Variants in TMEM65 observed in about 807,000 individuals in gnomAD.
The protein encoded by TMEM65 is transmembrane protein 65.
Under a neutral mutation model 25.4 loss-of-function variants are expected in TMEM65, and 22 were observed. The ratio of observed to expected loss-of-function variants is 0.86; its 90% confidence interval spans 0.62 to 1.23. The LOEUF (loss-of-function observed/expected upper bound fraction) is 1.23, where lower values mean the gene tolerates loss of function less well. TMEM65 is among the 50% of genes most tolerant of loss of function. TMEM65 has a pLI of 0.00. For synonymous variants in TMEM65, 132 were observed against 126.2 expected (o/e 1.05, Z -0.31); for missense variants, 262 against 308.2 (o/e 0.85, Z 1.12).
intron 1 of TMEM65, among the ~76,000 whole-genome samples, chr8:124,342,959 G>A (rs942709064): frequency 6.6e-5 from 10 of 152,202 alleles, no homozygotes; most frequent in African/African-American, 1.7e-4. Flanking sequence ...ACATAAGGCC[G>A]ATGCTGTAAG....
intron 1 of TMEM65, among the ~76,000 whole-genome samples, chr8:124,331,747 C>T (rs1053289562): frequency 6.6e-6 from 1 of 151,882 alleles, no homozygotes; most frequent in African/African-American, 2.4e-5. Flanking sequence ...GAGTGGATCA[C>T]TCTAAAGATT....
intron 1 of TMEM65, among the ~76,000 whole-genome samples, chr8:124,342,070 A>G (rs1814589431): frequency 6.6e-6 from 1 of 152,114 alleles, no homozygotes; most frequent in Non-Finnish European, 1.5e-5. Flanking sequence ...CTGGTATAAT[A>G]CAATCAGTCA....
chr8:124,311,019 T>C lies in TMEM65; in HGVS notation c.*2941A>G, dbSNP rs146994842. Reference sequence around the variant, plus strand: ...GAAAGATTTACTTCAAAATGGCTCATACAAACTTTTGGTATAAAAGATAAA... The same window carrying C: ...GAAAGATTTACTTCAAAATGGCTCACACAAACTTTTGGTATAAAAGATAAA... On this transcript the variant is annotated 3_prime_UTR_variant, in exon 7 of 7. Transcript: ENST00000297632. 97 of 152,288 alleles carry C rather than the reference T, an allele frequency of 6.4e-4. No homozygotes were observed. Among genetic ancestry groups the C allele is most frequent in the African/African-American group, 2.2e-3 (92 of 41,562 alleles). 9.4% of individuals were successfully genotyped at this position (152,288 alleles called of 1,614,324 possible).
At position 124,315,345 on chromosome 8, in the gene TMEM65, G is replaced by A. The variant is rs187272215; in HGVS notation, c.622-1284C>T. Among the ~76,000 whole-genome samples, 789 of 149,222 alleles carry A rather than the reference G, an allele frequency of 5.3e-3. 5 individuals carry two copies. The highest frequency in any genetic ancestry group is 0.017 in the African/African-American group (679 of 40,322). On this transcript the variant is annotated intron_variant, in intron 6 of 6. Coordinates refer to ENST00000297632, the MANE Select transcript of TMEM65 (RefSeq NM_194291.3). ...TTTTTGTTTGTTTTTTTTTTGAGACGGAGTCTCTCTCTGTGGCCCAGGTTG... is the reference window on the plus strand; with the variant it reads ...TTTTTGTTTGTTTTTTTTTTGAGACAGAGTCTCTCTCTGTGGCCCAGGTTG...
chr8:124,357,265 A>C (rs78398567), intron 1 of TMEM65, among the ~76,000 whole-genome samples: 2 of 152,096 alleles, frequency 1.3e-5, no homozygotes, highest in East Asian at 3.9e-4. Flanking sequence ...CTGGAGCTCC[A>C]GAGTTGATAT....
rs75131742 is a variant in TMEM65 at position 124,320,968 on chromosome 8, A to G, written c.516-777T>C. Among the ~76,000 whole-genome samples the G allele has an allele frequency of 2.5e-3, 378 of 152,292 alleles. 2 individuals are homozygous for G. Among genetic ancestry groups the G allele is most frequent in the African/African-American group, 8.4e-3 (349 of 41,572 alleles). ...AAAAACAATTGTTTTATGATGCAAT[A>G]TATAGCTAAATGGCTTTAAAATCTC... On this transcript the variant is annotated intron_variant, in intron 5 of 6. Transcript: ENST00000297632.
At chr8:124,346,243 G>A (rs985587033) in intron 1 of TMEM65, among the ~76,000 whole-genome samples, 9 of 152,042 alleles carry the variant, frequency 5.9e-5, no homozygotes, top group South Asian at 2.1e-4. Context: ...AACACCATAG[G>A]GGAAACCACC....
intron 1 of TMEM65, among the ~76,000 whole-genome samples, chr8:124,345,937 G>A (rs976957192): frequency 1.3e-5 from 2 of 152,050 alleles, no homozygotes; most frequent in African/African-American, 4.8e-5. Flanking sequence ...AGCAGAGACA[G>A]GGTTTCACCA....
At position 124,371,301 on chromosome 8, in the gene TMEM65, CAT is replaced by C. The variant is rs754130008; in HGVS notation, c.304+551_304+552del. On this transcript the variant is annotated intron_variant, in intron 1 of 6. Coordinates refer to ENST00000297632, the MANE Select transcript of TMEM65 (RefSeq NM_194291.3). ...GGCTGCTGAAATTAACGCAATCAGA[CAT>C]GTGTGGAAACAAGCAGCTATGAGCA... is the stretch of plus-strand genomic sequence containing the variant. Among the ~76,000 whole-genome samples the C allele has an allele frequency of 1.3e-3, 198 of 152,360 alleles. 1 individual carries two copies. Among genetic ancestry groups the C allele is most frequent in the African/African-American group, 4.2e-3 (176 of 41,582 alleles).
chr8:124,348,534 T>A (rs1042584422), intron 1 of TMEM65, among the ~76,000 whole-genome samples: 1 of 152,190 alleles, frequency 6.6e-6, no homozygotes, highest in African/African-American at 2.4e-5. Context: ...GAGATGGTAC[T>A]ATATAATTTT....
chr8:124,315,688 A>C (rs1383125440), intron 6 of TMEM65, among the ~76,000 whole-genome samples: 1 of 35,264 alleles, frequency 2.8e-5, no homozygotes, highest in Non-Finnish European at 5.1e-5. Flanking sequence ...CTTGCATAAA[A>C]ATTTTTCAAC....
chr8:124,318,096 C>T (rs1814259223), intron 6 of TMEM65, among the ~76,000 whole-genome samples: 2 of 152,088 alleles, frequency 1.3e-5, no homozygotes, highest in Admixed American at 1.3e-4. Context: ...CACAAGCTTG[C>T]TCTAGATGGA....
At position 124,315,323 on chromosome 8, in the gene TMEM65, TTG is replaced by T. The variant is rs1247906364; in HGVS notation, c.622-1264_622-1263del. 8.2e-3 allele frequency among the ~76,000 whole-genome samples: 1,223 copies of T among 149,674 alleles called. 15 individuals carry two copies. The highest frequency in any genetic ancestry group is 0.028 in the African/African-American group (1,102 of 39,928). Reference sequence around the variant, plus strand: ...GCTATCATATCCTACAGTTTTTTTTTTGTTTGTTTTTTTTTTGAGACGGAGTC... The same window carrying T: ...GCTATCATATCCTACAGTTTTTTTTTTTTGTTTTTTTTTTGAGACGGAGTC... On this transcript the variant is annotated intron_variant, in intron 6 of 6. Coordinates refer to ENST00000297632, the MANE Select transcript of TMEM65 (RefSeq NM_194291.3).
intron 6 of TMEM65, among the ~76,000 whole-genome samples, chr8:124,317,016 T>C (rs997775585): frequency 6.6e-6 from 1 of 152,190 alleles, no homozygotes; most frequent in East Asian, 1.9e-4. Flanking sequence ...TTCCCTGGTA[T>C]AGTTGTGATC....
intron 1 of TMEM65, among the ~76,000 whole-genome samples, chr8:124,350,460 T>C: frequency 8.7e-6 from 1 of 114,990 alleles, no homozygotes; most frequent in Non-Finnish European, 1.8e-5. Context: ...CTCTCTCTCT[T>C]TCCCTCTCTC....
intron 1 of TMEM65, among the ~76,000 whole-genome samples, chr8:124,335,493 CTGTG>C (rs1814493833): frequency 1.3e-5 from 2 of 152,194 alleles, no homozygotes; most frequent in Middle Eastern, 3.4e-3. Context: ...ATAGACATGA[CTGTG>C]TAATGCAAAA....
intron 6 of TMEM65, among the ~76,000 whole-genome samples, chr8:124,314,792 T>C (rs541006809): frequency 6.6e-6 from 1 of 152,006 alleles, no homozygotes; most frequent in Non-Finnish European, 1.5e-5. Context: ...CCCCAGTAAC[T>C]AGAACTACAG....
At chr8:124,364,718 A>C (rs1244385590) in intron 1 of TMEM65, among the ~76,000 whole-genome samples, 6 of 152,196 alleles carry the variant, frequency 3.9e-5, no homozygotes, top group African/African-American at 1.2e-4. Flanking sequence ...ATTTACTCTT[A>C]CCTCTTATTG....
At chr8:124,345,424 T>A (rs529112118) in intron 1 of TMEM65, among the ~76,000 whole-genome samples, 1 of 152,200 alleles carries the variant, frequency 6.6e-6, no homozygotes, top group Non-Finnish European at 1.5e-5. Flanking sequence ...GATTATCTTT[T>A]AACACTACTA....
Sources: gnomAD v4.1 joint callset for allele counts (sites outside exome capture counted in the v4.1 genomes callset) on GRCh38, gnomAD v4.1.1 for gene constraint, MANE v1.5 for transcripts, NCBI Gene and HGNC (gene_info 2026-07-23, HGNC 2026-07-21) for gene names.